NETO1: variants seen among roughly 807,000 people sequenced by gnomAD.
NETO1 encodes neuropilin and tolloid like 1.
In NETO1, 26 loss-of-function variants were observed where a neutral mutation model predicts 61.3. That is an observed-to-expected ratio of 0.42 (90% CI 0.31 to 0.59). The LOEUF (loss-of-function observed/expected upper bound fraction) is 0.59. Ranked by LOEUF, NETO1 falls within the 20% of genes least tolerant of loss-of-function variation. The pLI, the probability that NETO1 is intolerant of heterozygous loss-of-function variation, is 0.12. For synonymous variants in NETO1, 225 were observed against 225.8 expected (o/e 1.00, Z 0.03); for missense variants, 531 against 662.8 (o/e 0.80, Z 2.18).
At chr18:72,779,496 TAAAC>T (rs2071667735) in intron 7 of NETO1, among the ~76,000 whole-genome samples, 2 of 152,248 alleles carry the variant, frequency 1.3e-5, no homozygotes, top group South Asian at 4.1e-4. Context: ...TGAAACTCCC[TAAAC>T]AAAGTATCTT....
intron 4 of NETO1, among the ~76,000 whole-genome samples, chr18:72,846,173 AG>A (rs2074075912): frequency 6.6e-6 from 1 of 151,516 alleles, no homozygotes; most frequent in Non-Finnish European, 1.5e-5. Context: ...AGGAGCAAGC[AG>A]GAGACCACGG....
chr18:72,759,125 A>G (rs2070886013), intron 7 of NETO1, among the ~76,000 whole-genome samples: 1 of 152,130 alleles, frequency 6.6e-6, no homozygotes, highest in South Asian at 2.1e-4. Context: ...CACTCGGTGC[A>G]CCAATGTGTG....
rs1261155046 is a variant in NETO1 at position 72,830,193 on chromosome 18, G to A, written c.469+28633C>T. Among the ~76,000 whole-genome samples, 1 of 152,030 alleles carries A rather than the reference G, an allele frequency of 6.6e-6. No individual in the cohort carries two copies. Among genetic ancestry groups the A allele is most frequent in the Admixed American group, 6.6e-5 (1 of 15,258 alleles). ...AAGCCGTCCACAGCATAGAGGAAGCGGCGGCACAGGGAAGGAAGCAGCCCT... is the reference window on the plus strand; with the variant it reads ...AAGCCGTCCACAGCATAGAGGAAGCAGCGGCACAGGGAAGGAAGCAGCCCT... On this transcript the variant is annotated intron_variant, in intron 4 of 10. Coordinates refer to ENST00000327305, the MANE Select transcript of NETO1 (RefSeq NM_138966.5). The surrounding 1 kb of genome is among the most constrained non-coding windows in gnomAD (Gnocchi z 4.9).
chr18:72,748,864 G>A (rs2070494346), intron 10 of NETO1, 150 bp downstream of exon 10: 8 of 658,506 alleles, frequency 1.2e-5, no homozygotes, highest in Non-Finnish European at 1.7e-5. Context: ...TATAAACACT[G>A]AACCCATCGT....
chr18:72,840,603 C>T (rs900217693), intron 4 of NETO1, among the ~76,000 whole-genome samples: 2 of 151,680 alleles, frequency 1.3e-5, no homozygotes, highest in South Asian at 2.1e-4. Context: ...TATAACCCAA[C>T]AGGAAATTTG....
rs1285115528 is a variant in NETO1 at position 72,747,677 on chromosome 18, T to C, written c.*502A>G. The C allele has an allele frequency of 6.6e-6, 1 of 152,114 alleles. No homozygotes were observed. The highest frequency in any genetic ancestry group is 1.5e-5 in the Non-Finnish European group (1 of 67,982). The allele number at this position is 152,114 out of a possible 1,614,324, so 9.4% of individuals were successfully genotyped here. On this transcript the variant is annotated 3_prime_UTR_variant, in exon 11 of 11. Transcript: ENST00000327305. ...CCATAACCTCTAGCTGGTGATTCCA[T>C]GGTCCACACTGTCACTTTTCACTGT...
intron 4 of NETO1, among the ~76,000 whole-genome samples, chr18:72,794,981 A>G (rs928087425): frequency 3.3e-5 from 5 of 152,150 alleles, no homozygotes; most frequent in African/African-American, 1.2e-4. Context: ...TCTCTGCAAC[A>G]TTTCATACTA....
At chr18:72,855,883 A>G (rs2145618709) in intron 4 of NETO1, among the ~76,000 whole-genome samples, 2 of 152,290 alleles carry the variant, frequency 1.3e-5, no homozygotes, top group Middle Eastern at 6.8e-3. Context: ...TGAAATATGC[A>G]TGCTATACAT....
chr18:72,763,647 T>C (rs1183864941), intron 7 of NETO1, among the ~76,000 whole-genome samples: 1 of 151,734 alleles, frequency 6.6e-6, no homozygotes, highest in African/African-American at 2.4e-5. Context: ...AACACAGTCA[T>C]ACACACACCA....
At chr18:72,817,652 T>C (rs1193630054) in intron 4 of NETO1, among the ~76,000 whole-genome samples, 1 of 152,224 alleles carries the variant, frequency 6.6e-6, no homozygotes, top group Non-Finnish European at 1.5e-5. Context: ...CCTAATCACC[T>C]CTTAGCGTGA....
chr18:72,776,559 T>A (rs1166757010), intron 7 of NETO1, among the ~76,000 whole-genome samples: 1 of 152,158 alleles, frequency 6.6e-6, no homozygotes, highest in African/African-American at 2.4e-5. Flanking sequence ...TAAGGCACCA[T>A]CAGATGTGGA....
Position 72,750,381 on chromosome 18 carries a change from CAA to C in NETO1, c.1220_1221del (p.Phe407CysfsTer6). ...TLRGTGATAD[F>X]ADVADDFENY... is the part of the protein sequence containing the mutation. ...TTTTCAAAGTCATCTGCCACATCTG[CAA>C]AGTCAGCTGTAGCTCCTGTCCCTCT... On this transcript the variant is annotated frameshift_variant, in exon 9 of 11. Coordinates refer to ENST00000327305, the MANE Select transcript of NETO1 (RefSeq NM_138966.5). LOFTEE classifies it high-confidence loss of function. 6.2e-7 allele frequency: 1 copy of C among 1,614,106 alleles called. No individual in the cohort carries two copies. The highest frequency in any genetic ancestry group is 8.5e-7 in the Non-Finnish European group (1 of 1,180,002).
At chr18:72,765,475 G>T (rs755388105) in intron 7 of NETO1, among the ~76,000 whole-genome samples, 1 of 151,934 alleles carries the variant, frequency 6.6e-6, no homozygotes, top group Non-Finnish European at 1.5e-5. Flanking sequence ...CTGGAGTGAA[G>T]TGGCATGATC....
intron 7 of NETO1, among the ~76,000 whole-genome samples, chr18:72,777,331 T>C (rs1432132596): frequency 6.7e-6 from 1 of 149,500 alleles, no homozygotes; most frequent in Non-Finnish European, 1.5e-5. Flanking sequence ...GGCAGGAGAA[T>C]AGCTTGAACC....
At chr18:72,752,210 G>T (rs976181244) in intron 8 of NETO1, among the ~76,000 whole-genome samples, 1 of 152,132 alleles carries the variant, frequency 6.6e-6, no homozygotes, top group Non-Finnish European at 1.5e-5. Context: ...ACAAAGGCTA[G>T]ACTCAAGGAC....
intron 7 of NETO1, among the ~76,000 whole-genome samples, chr18:72,770,425 A>G (rs1431094985): frequency 6.6e-6 from 1 of 152,062 alleles, no homozygotes; most frequent in Non-Finnish European, 1.5e-5. Context: ...TTTCTTATCA[A>G]TAGTGTGCTT....
chr18:72,859,224 T>A, intron 3 of NETO1, 150 bp from the exon 4 acceptor site: 1 of 730,562 alleles, frequency 1.4e-6, no homozygotes, highest in South Asian at 2.9e-5. Context: ...ATGATACTAT[T>A]CTACGGGACA....
intron 4 of NETO1, chr18:72,834,598 G>A: frequency 1.0e-6 from 1 of 982,996 alleles, no homozygotes; most frequent in African/African-American, 1.7e-5. Flanking sequence ...TCAGATCAAA[G>A]TCATGTTGGA....
intron 4 of NETO1, among the ~76,000 whole-genome samples, chr18:72,833,678 G>A (rs1351868547): frequency 6.6e-6 from 1 of 152,218 alleles, no homozygotes; most frequent in Non-Finnish European, 1.5e-5. Context: ...CTCAGTAGTG[G>A]GGTGAGAACC....
Sources: allele counts gnomAD v4.1 joint callset (sites outside exome capture counted in the v4.1 genomes callset), GRCh38; gene constraint gnomAD v4.1.1; non-coding constraint Gnocchi (gnomAD v3.1); transcripts MANE v1.5; gene names NCBI Gene and HGNC (gene_info 2026-07-23, HGNC 2026-07-21).